ARHGEF9: variants seen among roughly 807,000 people sequenced by gnomAD.
ARHGEF9 encodes the protein rho guanine nucleotide exchange factor 9.
Under a neutral mutation model 41.3 loss-of-function variants are expected in ARHGEF9, and 2 were observed. That is an observed-to-expected ratio of 0.05 (90% confidence interval 0.02 to 0.15). The LOEUF is 0.15. ARHGEF9 is among the 10% of genes least tolerant of loss of function. The pLI, the probability that ARHGEF9 is intolerant of heterozygous loss-of-function variation, is 1.00. For missense variants in ARHGEF9, 225 were observed against 424.7 expected (o/e 0.53, Z 4.13); for synonymous variants, 160 against 154.4 (o/e 1.04, Z -0.27).
intron 1 of ARHGEF9, chrX:63,754,594 A>G: frequency 9.5e-7 from 1 of 1,052,958 alleles, no homozygotes; most frequent in Non-Finnish European, 1.2e-6. Context: ...GCAATGCAGA[A>G]CACTGTAGTG....
At chrX:63,647,976 G>C (rs1430314785) in intron 8 of ARHGEF9, among the ~76,000 whole-genome samples, 1 of 111,386 alleles carries the variant, frequency 9.0e-6, no homozygotes, top group Non-Finnish European at 1.9e-5. Context: ...ATGTCTGATT[G>C]GTGTACCTGA....
Position 63,781,341 on chromosome X carries a change from C to T in ARHGEF9, c.30+3775G>A, listed in dbSNP as rs781814423. 6.3e-5 allele frequency among the ~76,000 whole-genome samples: 7 copies of T among 111,687 alleles called. No homozygotes were observed. In the East Asian group the frequency reaches 1.7e-3, roughly 27 times the overall value. ...CTGAAGTGCTAATAATACACTTAAT[C>T]TTCTTCTCCAGAATTCCAGAAAGCA... On this transcript the variant is annotated intron_variant, in intron 1 of 9. Transcript: ENST00000671741.
At chrX:63,638,239 G>A in intron 9 of ARHGEF9, 30 bp from the exon 10 acceptor site, 7 of 1,146,499 alleles carry the variant, frequency 6.1e-6, no homozygotes, top group Middle Eastern at 5.4e-4. Context: ...AAAGGGAAAG[G>A]GTATAAGTTA....
In ARHGEF9 at chrX:63,638,796, T is replaced by C. The variant is rs1429468800; in HGVS notation, c.1391-587A>G. On this transcript the variant is annotated intron_variant, in intron 9 of 9. Transcript: ENST00000671741. ...TTGAGAGTGATGAACCTGCACTTAA[T>C]AGAGAATTGACATTAGTAGGTGAAG... 2.1e-5 allele frequency: 6 copies of C among 291,137 alleles called. No individual in the cohort carries two copies. The East Asian group carries it at 2.9e-4, about 14-fold the overall frequency. The allele number at this position is 291,137 out of a possible 1,213,427, so 24.0% of individuals were successfully genotyped here. A position where few individuals can be genotyped will look rare whatever the true frequency, so the allele number is the denominator to read the frequency against.
At chrX:63,693,642 C>T (rs2051515879) in intron 4 of ARHGEF9, among the ~76,000 whole-genome samples, 1 of 106,935 alleles carries the variant, frequency 9.4e-6, no homozygotes, top group Non-Finnish European at 1.9e-5. Context: ...ACATGTACCC[C>T]ATAAATAAGT....
At chrX:63,698,109 TTA>T (rs199802127) in intron 3 of ARHGEF9, among the ~76,000 whole-genome samples, 2 of 104,203 alleles carry the variant, frequency 1.9e-5, no homozygotes, top group South Asian at 4.1e-4. Flanking sequence ...ATTTATAAAT[TTA>T]TATATATATA....
At chrX:63,704,676 C>T (rs1306671506) in intron 3 of ARHGEF9, among the ~76,000 whole-genome samples, 1 of 112,387 alleles carries the variant, frequency 8.9e-6, no homozygotes, top group African/African-American at 3.2e-5. Context: ...TACTTAATTT[C>T]CTCAACAAAC....
chrX:63,730,327 G>T (rs1438634947), intron 1 of ARHGEF9, among the ~76,000 whole-genome samples: 2 of 112,328 alleles, frequency 1.8e-5, no homozygotes, highest in East Asian at 5.6e-4. Flanking sequence ...TACTGAAGAT[G>T]ACTTGTGAGA....
At chrX:63,671,857 A>T (rs1238135229) in intron 6 of ARHGEF9, among the ~76,000 whole-genome samples, 1 of 112,313 alleles carries the variant, frequency 8.9e-6, no homozygotes, top group Admixed American at 9.4e-5. Context: ...TTGGCCTTTG[A>T]AATATATCCA....
intron 4 of ARHGEF9, among the ~76,000 whole-genome samples, chrX:63,686,555 T>G (rs1358584649): frequency 2.7e-5 from 3 of 111,726 alleles, no homozygotes; most frequent in Non-Finnish European, 5.6e-5. Context: ...TCCATAAATA[T>G]GCACAACTTA....
chrX:63,728,755 G>C (rs1340714080), intron 1 of ARHGEF9, among the ~76,000 whole-genome samples: 1 of 112,027 alleles, frequency 8.9e-6, no homozygotes, highest in Non-Finnish European at 1.9e-5. Context: ...CAAGACTTCA[G>C]AGAAAGGAGG....
rs782231952 is a variant in ARHGEF9, at chrX:63,698,179, C to T, written c.403-875G>A. On this transcript the variant is annotated intron_variant, in intron 3 of 9. Transcript: ENST00000671741. The stretch of plus-strand genomic sequence containing the variant: ...ATTTATAAATAAATGTGTCCTAACA[C>T]GTTAATATGTCCTAACACCTAACAC... Among the ~76,000 whole-genome samples, 7 of 106,813 alleles carry T rather than the reference C, an allele frequency of 6.6e-5. 1 individual carries two copies. The South Asian group carries it at 1.6e-3, about 24-fold the overall frequency. 92.8% of individuals were successfully genotyped at this position (106,813 alleles called of 115,157 possible).
chrX:63,644,157 T>A, intron 8 of ARHGEF9, 109 bp from the exon 9 acceptor site: 2 of 499,470 alleles, frequency 4.0e-6, no homozygotes, highest in African/African-American at 2.5e-5. Context: ...ATATAAAAAA[T>A]CTTGAAATAC....
chrX:63,638,044 G>T lies in ARHGEF9; in HGVS notation c.1556C>A (p.Thr519Asn). ...SPFWQNFSRL[T>N]PFKK ...CTGTAGGTATCATTTTTTGAAGGGG[G>T]TTAACCTGCTGAAGTTTTGCCAGAA... Residue 519 changes from threonine to asparagine, a missense_variant, in exon 10 of 10, where the codon ACC (threonine) becomes AAC (asparagine). Physicochemically the swap from Thr to Asn is moderately conservative, Grantham distance 65. Coordinates refer to ENST00000671741, the MANE Select transcript of ARHGEF9 (RefSeq NM_001353921.2). 4.1e-6 allele frequency: 5 copies of T among 1,209,691 alleles called. No individual in the cohort carries two copies. The highest frequency in any genetic ancestry group is 5.6e-6 in the Non-Finnish European group (5 of 894,771).
intron 1 of ARHGEF9, among the ~76,000 whole-genome samples, chrX:63,739,462 ACT>A (rs1468111269): frequency 3.6e-5 from 4 of 110,640 alleles, no homozygotes; most frequent in African/African-American, 1.3e-4. Flanking sequence ...GAAAAATCTA[ACT>A]CTTTATATAT....
chrX:63,763,134 A>G (rs1267293105), intron 1 of ARHGEF9, among the ~76,000 whole-genome samples: 3 of 111,138 alleles, frequency 2.7e-5, no homozygotes, highest in African/African-American at 9.8e-5. Flanking sequence ...TTTCAACTGC[A>G]TGGAGGGTGG....
At chrX:63,755,187 C>T (rs2055887976) in intron 1 of ARHGEF9, 1 of 937,337 alleles carries the variant, frequency 1.1e-6, no homozygotes. Flanking sequence ...GCGTGAGGCG[C>T]GGCCAGAGCC....
chrX:63,773,553 G>A (rs1489536201), intron 1 of ARHGEF9, among the ~76,000 whole-genome samples: 1 of 112,249 alleles, frequency 8.9e-6, no homozygotes, highest in Non-Finnish European at 1.9e-5. Flanking sequence ...TCTCACAGCA[G>A]ACTGGGAAGA....
intron 2 of ARHGEF9, among the ~76,000 whole-genome samples, chrX:63,712,168 T>C (rs2052977856): frequency 1.8e-5 from 2 of 112,206 alleles, no homozygotes; most frequent in Non-Finnish European, 3.8e-5. Context: ...CACGCACTGC[T>C]GGCAGGAATG....
Sources: allele counts gnomAD v4.1 joint callset (sites outside exome capture counted in the v4.1 genomes callset), GRCh38; gene constraint gnomAD v4.1.1; transcripts MANE v1.5; gene names NCBI Gene and HGNC (gene_info 2026-07-23, HGNC 2026-07-21).